The following UPF1 variants were observed in gnomAD, a reference collection of about 807,000 sequenced individuals.
UPF1 encodes the protein UPF1 RNA helicase and ATPase, also known as regulator of nonsense transcripts 1.
UPF1 carries 9 observed loss-of-function variants against 129.2 expected under a neutral mutation model. That is an observed-to-expected ratio of 0.07 (90% CI 0.04 to 0.12). The LOEUF (loss-of-function observed/expected upper bound fraction) is 0.12. UPF1 is among the 10% of genes least tolerant of loss of function. The pLI, the probability that UPF1 is intolerant of heterozygous loss-of-function variation, is 1.00. For synonymous variants in UPF1, 649 were observed against 644.9 expected (o/e 1.01, Z -0.10); for missense variants, 788 against 1,525.3 (o/e 0.52, Z 8.05).
Position 18,863,632 on chromosome 19 carries a change from A to G in UPF1, c.2775+20A>G, listed in dbSNP as rs2055806412. On this transcript the variant is annotated intron_variant, in intron 19 of 23. Transcript: ENST00000262803. ...AACCCGGTGAGCGCCTGCACAGGAC[A>G]GCAGGGCAGCACGGAGAAACCCGGG... 6.3e-7 allele frequency: 1 copy of G among 1,597,122 alleles called. No homozygotes were observed. The highest frequency in any genetic ancestry group is 8.6e-7 in the Non-Finnish European group (1 of 1,169,362).
At position 18,845,974 on chromosome 19, in the gene UPF1, C is replaced by T. The variant is rs1419958012; in HGVS notation, c.232-6C>T. ...CTCACTCAGGTGACACTGCGTTCTG[C>T]TGCAGGTTGGGCCCGAAGGCATCCT... On this transcript the variant is annotated splice_region_variant and splice_polypyrimidine_tract_variant and intron_variant, in intron 1 of 23. Transcript: ENST00000262803. The T allele has an allele frequency of 1.9e-6, 3 of 1,613,582 alleles. No homozygotes were observed. Among genetic ancestry groups the T allele is most frequent in the Admixed American group, 1.7e-5 (1 of 59,990 alleles).
At chr19:18,863,953 G>A (rs2055810454) in intron 19 of UPF1, among the ~76,000 whole-genome samples, 1 of 152,118 alleles carries the variant, frequency 6.6e-6, no homozygotes, top group African/African-American at 2.4e-5. Context: ...CCTGAGCTGA[G>A]GCCCAAGGGT....
chr19:18,835,932 G>A (rs747039145), intron 1 of UPF1, among the ~76,000 whole-genome samples: 14 of 152,172 alleles, frequency 9.2e-5, no homozygotes, highest in African/African-American at 1.2e-4. Flanking sequence ...CTGGTTTTGC[G>A]CAGTTGGTTT....
intron 20 of UPF1, 76 bp downstream of exon 20, chr19:18,864,327 T>C (rs112648440): frequency 1.5e-6 from 2 of 1,363,038 alleles, no homozygotes; most frequent in East Asian, 2.4e-5. Context: ...TGGCTGCAGC[T>C]TTAGGTGCCC....
rs749100236 is a variant in UPF1 at position 18,860,301 on chromosome 19, TTC to T, written c.2183-18_2183-17del. The T allele has an allele frequency of 3.5e-5, 57 of 1,613,270 alleles. No individual in the cohort carries two copies. The highest frequency in any genetic ancestry group is 6.8e-6 in the Non-Finnish European group (8 of 1,179,416). ...CGGGCTAGGGCTTTTGAAGTGTTAC[TTC>T]TTTCCCTCCCCTCACAGCGGATCGT... On this transcript the variant is annotated intron_variant, in intron 15 of 23. Transcript: ENST00000262803.
chr19:18,860,388 G>C lies in UPF1; in HGVS notation c.2250G>C (p.Val750=). ...PQPDKPMFFY[V]TQGQEEIASS... ...CCGATAAACCGATGTTCTTCTACGTGACCCAGGGCCAAGAGGAGATTGCCA... is the reference window on the plus strand; with the variant it reads ...CCGATAAACCGATGTTCTTCTACGTCACCCAGGGCCAAGAGGAGATTGCCA... Residue 750 remains valine, a synonymous_variant, in exon 16 of 24, where the codon GTG becomes GTC. Transcript: ENST00000262803. 2 of 1,614,112 alleles carry C rather than the reference G, an allele frequency of 1.2e-6. No homozygotes were observed. Among genetic ancestry groups the C allele is most frequent in the Non-Finnish European group, 8.5e-7 (1 of 1,180,026 alleles).
Position 18,851,027 on chromosome 19 carries a change from CA to C in UPF1, c.810+160del. On this transcript the variant is annotated intron_variant, in intron 5 of 23. Transcript: ENST00000262803. This position sits in a 1 kb window ranked among gnomAD's most constrained non-coding sequence, Gnocchi z 4.2. ...ACCTCTACGTGGAATGACCTCAGGG[CA>C]CCTTGGTCACCTTCCATCCAGGCAG... 1 of 807,298 alleles carries C rather than the reference CA, an allele frequency of 1.2e-6. No individual in the cohort carries two copies. Among genetic ancestry groups the C allele is most frequent in the Non-Finnish European group, 1.8e-6 (1 of 557,956 alleles). The allele number at this position is 807,298 out of a possible 1,614,324, so 50.0% of individuals were successfully genotyped here.
intron 2 of UPF1, 127 bp from the exon 3 acceptor site, chr19:18,847,617 G>A (rs1484753322): frequency 7.4e-6 from 6 of 807,872 alleles, no homozygotes; most frequent in South Asian, 1.6e-5. Context: ...TACTGGGATT[G>A]TTGGGGTTGA....
rs2055432125 is a variant in UPF1 at position 18,832,159 on chromosome 19, C to T, written c.-51C>T. On this transcript the variant is annotated 5_prime_UTR_variant, in exon 1 of 24. Transcript: ENST00000262803. This position sits in a 1 kb window ranked among gnomAD's most constrained non-coding sequence, Gnocchi z 5.6. The stretch of plus-strand genomic sequence containing the variant: ...TGCGGCCTAGGCCTCAGCGCGGCGG[C>T]GGGCTCGAGTGCAGCGCGGAACCGG... 6.1e-6 allele frequency: 9 copies of T among 1,471,246 alleles called. No individual in the cohort carries two copies. The highest frequency in any genetic ancestry group is 8.2e-6 in the Non-Finnish European group (9 of 1,102,896). 91.1% of individuals were successfully genotyped at this position (1,471,246 alleles called of 1,614,324 possible).
intron 15 of UPF1, chr19:18,860,019 C>T (rs1373759156): frequency 2.9e-6 from 1 of 342,316 alleles, no homozygotes; most frequent in East Asian, 5.9e-5. Flanking sequence ...ATCCTGTATC[C>T]TGGGGTTGGC....
intron 20 of UPF1, among the ~76,000 whole-genome samples, chr19:18,864,455 G>C (rs534197063): frequency 1.3e-5 from 2 of 152,352 alleles, no homozygotes; most frequent in Non-Finnish European, 2.9e-5. Context: ...TTATTCATTT[G>C]TGTTTCCTGG....
intron 11 of UPF1, 53 bp from the exon 12 acceptor site, chr19:18,855,872 C>T (rs1469594898): frequency 2.8e-5 from 45 of 1,593,916 alleles, no homozygotes; most frequent in Non-Finnish European, 3.6e-5. Context: ...TGGCTTACTA[C>T]GTTCACCGAG....
At chr19:18,856,792 G>A in intron 13 of UPF1, 85 bp from the exon 14 acceptor site, 5 of 1,501,102 alleles carry the variant, frequency 3.3e-6, no homozygotes, top group Non-Finnish European at 4.5e-6. Context: ...AAACAGGAGA[G>A]CTTCTGTGTT....
At chr19:18,852,371 G>A in intron 6 of UPF1, 75 bp downstream of exon 6, 2 of 1,572,128 alleles carry the variant, frequency 1.3e-6, no homozygotes, top group Admixed American at 2.0e-5. Flanking sequence ...TCCAGAGGGA[G>A]GTTTTCTCTC....
At position 18,855,909 on chromosome 19, in the gene UPF1, C is replaced by T; in HGVS notation, c.1545-16C>T. The T allele has an allele frequency of 6.2e-7, 1 of 1,613,016 alleles. No individual in the cohort carries two copies. Among genetic ancestry groups the T allele is most frequent in the Non-Finnish European group, 8.5e-7 (1 of 1,179,718 alleles). Reference sequence around the variant, plus strand: ...TTCCTCTGGGTAAGCACTGAGCTGCCCCAATGGTGTTGCAGGCCGGTGCTG... The same window carrying T: ...TTCCTCTGGGTAAGCACTGAGCTGCTCCAATGGTGTTGCAGGCCGGTGCTG... On this transcript the variant is annotated splice_polypyrimidine_tract_variant and intron_variant, in intron 11 of 23. Coordinates refer to ENST00000262803, the MANE Select transcript of UPF1 (RefSeq NM_002911.4).
In UPF1 at chr19:18,837,505, C is replaced by T. The variant is rs182097121; in HGVS notation, c.231+5065C>T. Among the ~76,000 whole-genome samples, 6 of 152,348 alleles carry T rather than the reference C, an allele frequency of 3.9e-5. No homozygotes were observed. In the East Asian group the frequency reaches 9.6e-4, roughly 24 times the overall value. Reference sequence around the variant, plus strand: ...GCATCTCTTCATGAGAACCCCAAACCGGAAGCAGCCCCAGTGGCCATCAGC... The same window carrying T: ...GCATCTCTTCATGAGAACCCCAAACTGGAAGCAGCCCCAGTGGCCATCAGC... On this transcript the variant is annotated intron_variant, in intron 1 of 23. Transcript: ENST00000262803.
At chr19:18,845,421 C>T (rs969614906) in intron 1 of UPF1, among the ~76,000 whole-genome samples, 3 of 152,154 alleles carry the variant, frequency 2.0e-5, no homozygotes, top group East Asian at 1.9e-4. Context: ...ATAGAAGAGG[C>T]GCCTTCAGTG....
Position 18,855,040 on chromosome 19 carries a change from TGCGCGCCGTCCTCAGC to T in UPF1, c.1425+8_1425+23del, listed in dbSNP as rs2055701142. ...CTCCCCGACCTCAACCACTCCCAGG[TGCGCGCCGTCCTCAGC>T]GCGCGGGGCCTCGCCCATGGGCCGG... On this transcript the variant is annotated splice_donor_5th_base_variant and intron_variant, in intron 10 of 23. Coordinates refer to ENST00000262803, the MANE Select transcript of UPF1 (RefSeq NM_002911.4). 1.9e-6 allele frequency: 3 copies of T among 1,613,552 alleles called. No individual in the cohort carries two copies. In the Admixed American group the frequency reaches 5.0e-5, roughly 27 times the overall value.
At position 18,850,383 on chromosome 19, in the gene UPF1, C is replaced by A. The variant is rs2055645170; in HGVS notation, c.629+141C>A. On this transcript the variant is annotated intron_variant, in intron 4 of 23. Coordinates refer to ENST00000262803, the MANE Select transcript of UPF1 (RefSeq NM_002911.4). This position sits in a 1 kb window ranked among gnomAD's most constrained non-coding sequence, Gnocchi z 7.1. The stretch of plus-strand genomic sequence containing the variant: ...AGATGGTTTTTGCTGAAGGGTGAGG[C>A]ATGAGAGCGTTTAGGCGCTGAGGCT... The A allele has an allele frequency of 4.0e-6, 5 of 1,253,080 alleles. No homozygotes were observed. In the Admixed American group the frequency reaches 8.7e-5, roughly 22 times the overall value. The allele number at this position is 1,253,080 out of a possible 1,614,324, so 77.6% of individuals were successfully genotyped here. A position where few individuals can be genotyped will look rare whatever the true frequency, so the allele number is the denominator to read the frequency against.
Sources: gnomAD v4.1 joint callset for allele counts (sites outside exome capture counted in the v4.1 genomes callset) on GRCh38, gnomAD v4.1.1 for gene constraint, Gnocchi (gnomAD v3.1) non-coding constraint, MANE v1.5 for transcripts, NCBI Gene and HGNC (gene_info 2026-07-23, HGNC 2026-07-21) for gene names.